Variants in NPIPB8 observed in about 807,000 individuals in gnomAD.
NPIPB8 encodes the protein nuclear pore complex-interacting protein family member B8.
Under a neutral mutation model 5.3 loss-of-function variants are expected in NPIPB8, and 3 were observed. The ratio of observed to expected loss-of-function variants is 0.57; its 90% CI spans 0.26 to 1.47. The LOEUF is 1.47. Ranked by LOEUF, NPIPB8 falls within the 40% of genes most tolerant of loss-of-function variation. NPIPB8 has a pLI of 0.13. For synonymous variants in NPIPB8, 18 were observed against 23.0 expected (o/e 0.78, Z 0.62); for missense variants, 50 against 50.2 (o/e 1.00, Z 0.01).
At chr16:28,641,208 C>A (rs1427945283) in intron 2 of NPIPB8, among the ~76,000 whole-genome samples, 1 of 151,664 alleles carries the variant, frequency 6.6e-6, no homozygotes, top group African/African-American at 2.4e-5. Flanking sequence ...TAGAGAGATG[C>A]TCCATGAGGC....
chr16:28,638,240 CTATGCTCT>C (rs1321513479), intron 1 of NPIPB8, 75 bp from the exon 2 acceptor site: 1 of 1,501,460 alleles, frequency 6.7e-7, no homozygotes, highest in African/African-American at 1.9e-5. Context: ...TCTGAAGCCC[CTATGCTCT>C]TGACCACTAT....
At chr16:28,651,604 TTGTGTGTGTGTGTG>T (rs533825986) in intron 3 of NPIPB8, among the ~76,000 whole-genome samples, 3 of 39,156 alleles carry the variant, frequency 7.7e-5, no homozygotes, top group East Asian at 5.3e-4. Context: ...CATGTCATTC[TTGTGTGTGTGTGTG>T]TGTGTGTGTG....
chr16:28,651,605 T>C (rs1313626073), intron 3 of NPIPB8, among the ~76,000 whole-genome samples: 625 of 12,268 alleles, frequency 0.051, 4 homozygotes, highest in African/African-American at 0.16. Context: ...ATGTCATTCT[T>C]GTGTGTGTGT....
At chr16:28,642,667 A>G (rs2047924404) in intron 2 of NPIPB8, among the ~76,000 whole-genome samples, 3 of 150,350 alleles carry the variant, frequency 2.0e-5, no homozygotes, top group Non-Finnish European at 4.4e-5. Context: ...ATATTTTATT[A>G]GAGACAGGGT....
At chr16:28,637,996 T>G (rs893762275), upstream of NPIPB8, 1 of 865,206 alleles carries the variant, frequency 1.2e-6, no homozygotes, top group African/African-American at 1.8e-5. Flanking sequence ...GAACTGTATA[T>G]CCAATAATAG....
chr16:28,640,933 A>G (rs1321777442), intron 2 of NPIPB8, among the ~76,000 whole-genome samples: 1 of 152,096 alleles, frequency 6.6e-6, no homozygotes, highest in African/African-American at 2.4e-5. Flanking sequence ...CCAACATTTT[A>G]GTTCCTTTAA....
chr16:28,651,455 T>G (rs908163390), intron 3 of NPIPB8, among the ~76,000 whole-genome samples: 1 of 23,092 alleles, frequency 4.3e-5, no homozygotes, highest in Non-Finnish European at 7.5e-5. Context: ...CCACCATGCC[T>G]GGCTAATTTT....
At chr16:28,640,262 C>T (rs1161591563) in intron 2 of NPIPB8, among the ~76,000 whole-genome samples, 8 of 151,640 alleles carry the variant, frequency 5.3e-5, no homozygotes, top group Non-Finnish European at 1.0e-4. Flanking sequence ...CAGCCCCAAA[C>T]GATGGAAATG....
chr16:28,640,097 G>GAGGTTAC (rs766490003), intron 2 of NPIPB8, among the ~76,000 whole-genome samples: 6 of 151,812 alleles, frequency 4.0e-5, no homozygotes, highest in Non-Finnish European at 8.8e-5. Flanking sequence ...AGTTAAGCCT[G>GAGGTTAC]AGGTTACAGT....
At chr16:28,641,125 C>T (rs1352620216) in intron 2 of NPIPB8, among the ~76,000 whole-genome samples, 1 of 152,002 alleles carries the variant, frequency 6.6e-6, no homozygotes, top group Non-Finnish European at 1.5e-5. Flanking sequence ...ATCATGGGGC[C>T]TGATTCTTCC....
At chr16:28,639,454 TA>T (rs1193238139) in intron 2 of NPIPB8, among the ~76,000 whole-genome samples, 38 of 85,928 alleles carry the variant, frequency 4.4e-4, no homozygotes, top group South Asian at 8.8e-4. Flanking sequence ...CATATATATA[TA>T]TTTTTTTTTT....
chr16:28,641,128 A>G (rs955503207), intron 2 of NPIPB8, among the ~76,000 whole-genome samples: 15 of 151,876 alleles, frequency 9.9e-5, no homozygotes, highest in African/African-American at 3.6e-4. Flanking sequence ...ATGGGGCCTG[A>G]TTCTTCCTCT....
At chr16:28,643,081 T>A (rs2047935047) in intron 2 of NPIPB8, among the ~76,000 whole-genome samples, 1 of 151,636 alleles carries the variant, frequency 6.6e-6, no homozygotes, top group East Asian at 1.9e-4. Flanking sequence ...CCTGCCCACC[T>A]GCTTGGAGCT....
chr16:28,653,072 A>ATTTTT (rs573542449), intron 5 of NPIPB8, among the ~76,000 whole-genome samples: 3 of 72,684 alleles, frequency 4.1e-5, no homozygotes, highest in African/African-American at 1.1e-4. Context: ...CATTCGGCCA[A>ATTTTT]TTTTTTTTTT....
At position 28,638,327 on chromosome 16, in the gene NPIPB8, G is replaced by A. The variant is rs754814025; in HGVS notation, c.-34G>A. 5.8e-6 allele frequency: 9 copies of A among 1,560,758 alleles called. No individual in the cohort carries two copies. The highest frequency in any genetic ancestry group is 1.2e-5 in the South Asian group (1 of 86,754). On this transcript the variant is annotated 5_prime_UTR_variant, in exon 2 of 8. Transcript: ENST00000683297. ...TTTTTCTTAATTGTCTAATAGGTTG[G>A]CACTCATCATGAGCCCCTGTTCTCA...
chr16:28,651,611 T>TGTGTGG (rs2048044021), intron 3 of NPIPB8, among the ~76,000 whole-genome samples: 1 of 67,722 alleles, frequency 1.5e-5, no homozygotes, highest in Non-Finnish European at 2.8e-5. Flanking sequence ...TTCTTGTGTG[T>TGTGTGG]GTGTGTGTGT....
At chr16:28,645,297 G>C (rs1286802771) in intron 2 of NPIPB8, among the ~76,000 whole-genome samples, 25 of 95,772 alleles carry the variant, frequency 2.6e-4, no homozygotes, top group African/African-American at 8.1e-4. Flanking sequence ...CCAGTGCTGG[G>C]ATTACAGGCG....
At chr16:28,639,086 A>T (rs1400825900) in intron 2 of NPIPB8, among the ~76,000 whole-genome samples, 4 of 147,678 alleles carry the variant, frequency 2.7e-5, no homozygotes, top group Admixed American at 2.7e-4. Context: ...AAAAAAAATT[A>T]TCCTGCAAAA....
At chr16:28,640,075 T>C (rs1344872771) in intron 2 of NPIPB8, among the ~76,000 whole-genome samples, 22 of 150,412 alleles carry the variant, frequency 1.5e-4, no homozygotes, top group African/African-American at 4.4e-4. Flanking sequence ...AAACTGAGGC[T>C]CAGAGACTGA....
Sources: allele counts gnomAD v4.1 joint callset (sites outside exome capture counted in the v4.1 genomes callset), GRCh38; gene constraint gnomAD v4.1.1; transcripts MANE v1.5; gene names NCBI Gene and HGNC (gene_info 2026-07-23, HGNC 2026-07-21).